The following C10orf67 variants were observed in gnomAD, a reference collection of about 807,000 sequenced individuals.
C10orf67 encodes chromosome 10 open reading frame 67.
Under a neutral mutation model 35.6 loss-of-function variants are expected in C10orf67, and 60 were observed. The ratio of observed to expected loss-of-function variants is 1.68; its 90% CI spans 1.37 to 2.09. The LOEUF (loss-of-function observed/expected upper bound fraction) is 2.09. Among genes scored for constraint, C10orf67 ranks in the 30% most tolerant of loss-of-function variants. C10orf67 has a pLI of 0.00. For missense variants in C10orf67, 474 were observed against 330.2 expected (o/e 1.44, Z -3.38); for synonymous variants, 167 against 115.8 (o/e 1.44, Z -2.84).
chr10:23,259,507 A>C (rs1237209705), intron 10 of C10orf67, among the ~76,000 whole-genome samples: 1 of 152,184 alleles, frequency 6.6e-6, no homozygotes, highest in Non-Finnish European at 1.5e-5. Context: ...AACCAAACAA[A>C]AGACAGACAA....
At chr10:23,328,993 C>CAAAAAAAAAAAAAAAAAAAGAAA (rs1845312488) in intron 2 of C10orf67, among the ~76,000 whole-genome samples, 2 of 78,734 alleles carry the variant, frequency 2.5e-5, no homozygotes, top group Non-Finnish European at 2.5e-5. Flanking sequence ...CATAAACGAA[C>CAAAAAAAAAAAAAAAAAAAGAAA]AAAAAAAAAA....
At chr10:23,290,054 C>G (rs1843673450) in intron 6 of C10orf67, 96 bp from the exon 7 acceptor site, 1 of 677,746 alleles carries the variant, frequency 1.5e-6, no homozygotes, top group East Asian at 2.7e-5. Context: ...GGGGCACTAG[C>G]AGGCATAGTG....
chr10:23,259,194 G>A (rs189264256), intron 10 of C10orf67, among the ~76,000 whole-genome samples: 16 of 152,272 alleles, frequency 1.1e-4, no homozygotes, highest in Admixed American at 8.5e-4. Context: ...GCTCTAATTT[G>A]GTTCACCAAT....
Position 23,277,088 on chromosome 10 carries a change from A to G in C10orf67, c.975+4925T>C, listed in dbSNP as rs189228722. 2.1e-3 allele frequency among the ~76,000 whole-genome samples: 324 copies of G among 152,238 alleles called. 1 individual carries two copies. Among genetic ancestry groups the G allele is most frequent in the South Asian group, 0.019 (90 of 4,816 alleles). On this transcript the variant is annotated intron_variant, in intron 8 of 15. Coordinates refer to ENST00000636213, the MANE Select transcript of C10orf67 (RefSeq NM_001371909.1). ...ACCTTAGGGGTTCTGTGAGGCCTAA[A>G]TTATTCTCATAATAATACTAAGAGA...
At chr10:23,265,168 T>C (rs1172735035) in intron 10 of C10orf67, among the ~76,000 whole-genome samples, 5 of 152,370 alleles carry the variant, frequency 3.3e-5, no homozygotes, top group African/African-American at 1.2e-4. Flanking sequence ...GCTTTTTCTC[T>C]TCCCAGTAGA....
intron 5 of C10orf67, among the ~76,000 whole-genome samples, chr10:23,299,802 C>G (rs549643750): frequency 1.3e-5 from 2 of 152,006 alleles, no homozygotes; most frequent in Non-Finnish European, 2.9e-5. Flanking sequence ...ACGGTGAAAC[C>G]CTGTCTCTAC....
In C10orf67 at chr10:23,250,612, C is replaced by T. The variant is rs957842580; in HGVS notation, c.1280G>A (p.Arg427Lys). Residue 427 changes from arginine (R) to lysine (K), a missense_variant and splice_region_variant, in exon 11 of 16, where the codon AGG (arginine) becomes AAG (lysine). Arg to Lys is a conservative substitution (Grantham distance 26). Coordinates refer to ENST00000636213, the MANE Select transcript of C10orf67 (RefSeq NM_001371909.1). Reference sequence around the variant, plus strand: ...GTGCCTTTTACTCTATTACCAGTACCTTTCCACCTTCTTTTTCTCATTCTC... The same window carrying T: ...GTGCCTTTTACTCTATTACCAGTACTTTTCCACCTTCTTTTTCTCATTCTC... ...NLENEKKKVE[R>K]FRKEADRLNK... is the part of the protein sequence containing the mutation. 1 of 398,510 alleles carries T rather than the reference C, an allele frequency of 2.5e-6. No individual in the cohort carries two copies. The highest frequency in any genetic ancestry group is 2.1e-5 in the African/African-American group (1 of 48,590). The allele number at this position is 398,510 out of a possible 1,614,324, so 24.7% of individuals were successfully genotyped here. A position where few individuals can be genotyped will look rare whatever the true frequency, so the allele number is the denominator to read the frequency against.
chr10:23,236,507 T>C (rs552030355), intron 13 of C10orf67, among the ~76,000 whole-genome samples: 1 of 152,108 alleles, frequency 6.6e-6, no homozygotes, highest in South Asian at 2.1e-4. Context: ...GTGGAGCAAA[T>C]GGAACTCTCA....
At chr10:23,267,970 T>TC (rs1256857830) in intron 8 of C10orf67, among the ~76,000 whole-genome samples, 1 of 151,904 alleles carries the variant, frequency 6.6e-6, no homozygotes, top group Admixed American at 6.6e-5. Context: ...TTCAATAACG[T>TC]AATGAATGAA....
In C10orf67 at chr10:23,248,211, G is replaced by A. The variant is rs537904140; in HGVS notation, c.1346+2244C>T. 4.6e-5 allele frequency among the ~76,000 whole-genome samples: 7 copies of A among 152,360 alleles called. No individual in the cohort carries two copies. In the South Asian group the frequency reaches 1.2e-3, roughly 27 times the overall value. On this transcript the variant is annotated intron_variant, in intron 12 of 15. Coordinates refer to ENST00000636213, the MANE Select transcript of C10orf67 (RefSeq NM_001371909.1). ...GAGCCCATCAGGCAGAACAGAGGGT[G>A]GCTCAGGTGGATGCATGTGGATTGC...
intron 1 of C10orf67, among the ~76,000 whole-genome samples, chr10:23,341,371 A>G (rs1271602288): frequency 6.6e-6 from 1 of 152,164 alleles, no homozygotes; most frequent in Non-Finnish European, 1.5e-5. Flanking sequence ...CATCCGGGTT[A>G]CTGGCAATTC....
intron 4 of C10orf67, among the ~76,000 whole-genome samples, 169 bp downstream of exon 4, chr10:23,320,572 G>A (rs1844907548): frequency 6.6e-6 from 1 of 152,180 alleles, no homozygotes; most frequent in South Asian, 2.1e-4. Flanking sequence ...ATTATAATGT[G>A]AGCATAAACA....
At chr10:23,263,043 C>A (rs549838618) in intron 10 of C10orf67, among the ~76,000 whole-genome samples, 1 of 152,086 alleles carries the variant, frequency 6.6e-6, no homozygotes, top group Non-Finnish European at 1.5e-5. Context: ...CTTTGACAAC[C>A]TCTGAAGACC....
At chr10:23,273,976 G>A (rs114453041) in intron 8 of C10orf67, among the ~76,000 whole-genome samples, 3,296 of 152,256 alleles carry the variant, frequency 0.022, 50 homozygotes, top group Middle Eastern at 0.092. Context: ...GAGAAATAAA[G>A]AGAAAAAGTA....
At chr10:23,249,054 C>G (rs1842382127) in intron 12 of C10orf67, among the ~76,000 whole-genome samples, 1 of 142,118 alleles carries the variant, frequency 7.0e-6, no homozygotes, top group Non-Finnish European at 1.5e-5. Flanking sequence ...CGCTTGAACC[C>G]AGAAGATGGA....
chr10:23,243,034 G>GA (rs1327194214), intron 12 of C10orf67, among the ~76,000 whole-genome samples: 1 of 151,926 alleles, frequency 6.6e-6, no homozygotes, highest in Non-Finnish European at 1.5e-5. Context: ...AAAAAAGTTA[G>GA]AAAAAAATAC....
rs368833212 is a variant in C10orf67, at chr10:23,236,253, G to GAAAAA, written c.1434+3471_1434+3475dup. ...GACAGAGCGAGACTCCCTCTCGGGG[G>GAAAAA]AAAAAAAAAAAAAAAAAAAAAAAAA... On this transcript the variant is annotated intron_variant, in intron 13 of 15. Transcript: ENST00000636213. Among the ~76,000 whole-genome samples the GAAAAA allele has an allele frequency of 8.1e-3, 614 of 75,720 alleles. 19 individuals carry two copies. The highest frequency in any genetic ancestry group is 0.034 in the African/African-American group (571 of 16,622). 49.7% of individuals were successfully genotyped at this position (75,720 alleles called of 152,430 possible).
At chr10:23,258,571 G>C (rs1387299422) in intron 10 of C10orf67, 1 of 165,988 alleles carries the variant, frequency 6.0e-6, no homozygotes, top group Non-Finnish European at 1.3e-5. Context: ...CCTGAGAAGA[G>C]TCACAGTGGA....
chr10:23,219,710 A>G (rs1841526549), intron 15 of C10orf67, among the ~76,000 whole-genome samples: 1 of 152,208 alleles, frequency 6.6e-6, no homozygotes, highest in South Asian at 2.1e-4. Flanking sequence ...CATAACAAAA[A>G]ATCATTTTTA....
Sources: gnomAD v4.1 joint callset for allele counts (sites outside exome capture counted in the v4.1 genomes callset) on GRCh38, gnomAD v4.1.1 for gene constraint, MANE v1.5 for transcripts, NCBI Gene and HGNC (gene_info 2026-07-23, HGNC 2026-07-21) for gene names.